Variants in NCALD observed in about 807,000 individuals in gnomAD.
NCALD encodes the protein neurocalcin delta, also known as neurocalcin-delta.
In NCALD, 10 loss-of-function variants were observed where a neutral mutation model predicts 18.6. The ratio of observed to expected loss-of-function variants is 0.54; its 90% CI spans 0.33 to 0.91. The LOEUF is 0.91. Among genes scored for constraint, NCALD ranks in the 40% least tolerant of loss-of-function variants. NCALD has a pLI of 0.03. For missense variants in NCALD, 184 were observed against 247.6 expected (o/e 0.74, Z 1.72); for synonymous variants, 88 against 87.4 (o/e 1.01, Z -0.04).
chr8:101,826,138 G>T (rs1167311778), intron 4 of NCALD, among the ~76,000 whole-genome samples: 1 of 151,372 alleles, frequency 6.6e-6, no homozygotes. Context: ...GGTTCCATGA[G>T]TAGCTGGAGC....
chr8:101,734,746 A>G (rs1325309888), intron 1 of NCALD, among the ~76,000 whole-genome samples: 1 of 152,208 alleles, frequency 6.6e-6, no homozygotes, highest in Admixed American at 6.5e-5. Context: ...GGTAAAAACC[A>G]CACCACATTT....
chr8:102,080,994 C>CA (rs1429781634), intron 1 of NCALD, among the ~76,000 whole-genome samples: 4 of 152,156 alleles, frequency 2.6e-5, no homozygotes, highest in African/African-American at 4.8e-5. Context: ...GGTGTCCAGC[C>CA]CATCTGCATC....
intron 2 of NCALD, among the ~76,000 whole-genome samples, chr8:101,966,101 T>TA (rs147047148): frequency 5.4e-5 from 8 of 149,374 alleles, no homozygotes; most frequent in South Asian, 2.1e-4. Context: ...AATACTCTGA[T>TA]AAAAAAAAGA....
At chr8:101,859,851 T>C (rs772108422) in intron 4 of NCALD, among the ~76,000 whole-genome samples, 11 of 152,020 alleles carry the variant, frequency 7.2e-5, no homozygotes, top group Non-Finnish European at 1.5e-4. Context: ...AAACAAAGGG[T>C]ATGAGTTTCC....
chr8:101,689,444 C>T lies in NCALD; in HGVS notation c.485-38G>A. ...AGGACAGGTGAGTGGTGGCTGGTGGCAGCTGCATGAGCTTACACCCTTCCC... is the reference window on the plus strand; with the variant it reads ...AGGACAGGTGAGTGGTGGCTGGTGGTAGCTGCATGAGCTTACACCCTTCCC... On this transcript the variant is annotated intron_variant, in intron 3 of 3. Coordinates refer to ENST00000220931, the MANE Select transcript of NCALD (RefSeq NM_032041.3). The surrounding 1 kb of genome is among the most constrained non-coding windows in gnomAD (Gnocchi z 4.4). The T allele has an allele frequency of 6.7e-7, 1 of 1,500,726 alleles. No homozygotes were observed. The highest frequency in any genetic ancestry group is 9.1e-7 in the Non-Finnish European group (1 of 1,095,858). The allele number at this position is 1,500,726 out of a possible 1,614,324, so 93.0% of individuals were successfully genotyped here. A position where few individuals can be genotyped will look rare whatever the true frequency, so the allele number is the denominator to read the frequency against.
chr8:101,739,669 T>C (rs1468662279), intron 1 of NCALD, among the ~76,000 whole-genome samples: 2 of 152,188 alleles, frequency 1.3e-5, no homozygotes, highest in African/African-American at 4.8e-5. Context: ...ACACTCCAAG[T>C]TGTTCAGCTT....
At chr8:102,090,487 C>T (rs556840127) in intron 1 of NCALD, among the ~76,000 whole-genome samples, 73 of 152,232 alleles carry the variant, frequency 4.8e-4, no homozygotes, top group African/African-American at 1.7e-3. Flanking sequence ...TCAAGACTCT[C>T]ATGGAGAGCT....
At chr8:101,749,530 G>T (rs1392613277) in intron 1 of NCALD, among the ~76,000 whole-genome samples, 1 of 152,232 alleles carries the variant, frequency 6.6e-6, no homozygotes, top group African/African-American at 2.4e-5. Context: ...TATATGACAG[G>T]CTAGCTATAT....
chr8:101,934,768 G>A (rs1818700391), intron 2 of NCALD, among the ~76,000 whole-genome samples: 1 of 152,110 alleles, frequency 6.6e-6, no homozygotes, highest in Non-Finnish European at 1.5e-5. Context: ...TGGTTGAGAA[G>A]GAAATAAGAA....
At chr8:102,103,034 C>T (rs1246909362) in intron 1 of NCALD, among the ~76,000 whole-genome samples, 3 of 152,108 alleles carry the variant, frequency 2.0e-5, no homozygotes, top group East Asian at 3.8e-4. Flanking sequence ...AACATATTGT[C>T]GGGTGGATCC....
At chr8:101,840,839 A>T (rs1217463052) in intron 4 of NCALD, among the ~76,000 whole-genome samples, 1 of 152,246 alleles carries the variant, frequency 6.6e-6, no homozygotes, top group Non-Finnish European at 1.5e-5. Flanking sequence ...CAAAACATCA[A>T]GATAAGTGAA....
intron 3 of NCALD, chr8:101,691,903 C>G (rs1465315503): frequency 3.0e-6 from 3 of 985,288 alleles, no homozygotes; most frequent in Non-Finnish European, 2.4e-6. Flanking sequence ...ATCGGGTGAG[C>G]TGATAATAAC....
At chr8:101,986,297 C>T (rs1229280320) in intron 2 of NCALD, among the ~76,000 whole-genome samples, 1 of 152,216 alleles carries the variant, frequency 6.6e-6, no homozygotes, top group Admixed American at 6.5e-5. Flanking sequence ...TCCCAAAGTG[C>T]TGGGATTACA....
intron 1 of NCALD, among the ~76,000 whole-genome samples, chr8:102,033,665 C>T (rs546043141): frequency 6.6e-6 from 1 of 152,186 alleles, no homozygotes; most frequent in African/African-American, 2.4e-5. Context: ...TAACTGGGGT[C>T]CCAATTACTA....
At chr8:101,998,343 C>T (rs980445230) in intron 2 of NCALD, among the ~76,000 whole-genome samples, 3 of 152,118 alleles carry the variant, frequency 2.0e-5, no homozygotes, top group East Asian at 3.9e-4. Context: ...TTGCAATGGG[C>T]GATTTTGCTG....
intron 1 of NCALD, among the ~76,000 whole-genome samples, chr8:102,094,932 T>C (rs768061778): frequency 5.3e-5 from 8 of 152,114 alleles, no homozygotes; most frequent in Admixed American, 1.3e-4. Context: ...CCTAGAGCCA[T>C]TGGAGGGAAC....
intron 2 of NCALD, among the ~76,000 whole-genome samples, chr8:102,019,868 T>C (rs1386812089): frequency 4.6e-5 from 7 of 152,172 alleles, no homozygotes; most frequent in Non-Finnish European, 8.8e-5. Flanking sequence ...AAATTCAACA[T>C]GTATTTATAA....
At chr8:101,901,600 T>A (rs1817425015) in intron 3 of NCALD, among the ~76,000 whole-genome samples, 1 of 152,168 alleles carries the variant, frequency 6.6e-6, no homozygotes, top group South Asian at 2.1e-4. Context: ...GGTAGAATTC[T>A]TACCTCCCTT....
chr8:101,992,308 C>A (rs897623877), intron 2 of NCALD, among the ~76,000 whole-genome samples: 1 of 152,082 alleles, frequency 6.6e-6, no homozygotes, highest in South Asian at 2.1e-4. Flanking sequence ...AGTATATAAC[C>A]TTTTCCCAAG....
Sources: gnomAD v4.1 joint callset for allele counts (sites outside exome capture counted in the v4.1 genomes callset) on GRCh38, gnomAD v4.1.1 for gene constraint, Gnocchi (gnomAD v3.1) non-coding constraint, MANE v1.5 for transcripts, NCBI Gene and HGNC (gene_info 2026-07-23, HGNC 2026-07-21) for gene names.